GRID2: variants seen among roughly 807,000 people sequenced by gnomAD.
GRID2 encodes the protein glutamate ionotropic receptor delta type subunit 2, also known as glutamate receptor ionotropic, delta-2.
GRID2 carries 33 observed loss-of-function variants against 114.8 expected under a neutral mutation model. The observed-to-expected ratio is 0.29, with a 90% confidence interval of 0.22 to 0.38. The LOEUF is 0.38. Among genes scored for constraint, GRID2 ranks in the 10% least tolerant of loss-of-function variants. GRID2 has a pLI of 1.00. For synonymous variants in GRID2, 505 were observed against 449.9 expected (o/e 1.12, Z -1.55); for missense variants, 1,184 against 1,257.7 (o/e 0.94, Z 0.89).
chr4:92,913,546 A>G (rs1057320867), intron 2 of GRID2, among the ~76,000 whole-genome samples: 2 of 151,862 alleles, frequency 1.3e-5, no homozygotes, highest in Admixed American at 1.3e-4. Flanking sequence ...TCCTGCATGA[A>G]CTTGTCCTAG....
At chr4:92,970,388 T>C (rs551995693) in intron 2 of GRID2, among the ~76,000 whole-genome samples, 3 of 152,104 alleles carry the variant, frequency 2.0e-5, no homozygotes, top group African/African-American at 7.2e-5. Context: ...ATCTGTTAAT[T>C]TATATAGAAT....
rs562339847 is a variant in GRID2, at chr4:93,481,279, G to T, written c.1859-9360G>T. ...CAGAAGAAGGCTGATTCCCTCAGAA[G>T]TGGTGAGAGGTTGCTTCCAATAACA... On this transcript the variant is annotated intron_variant, in intron 11 of 15. Coordinates refer to ENST00000282020, the MANE Select transcript of GRID2 (RefSeq NM_001510.4). Among the ~76,000 whole-genome samples, 26 of 152,174 alleles carry T rather than the reference G, an allele frequency of 1.7e-4. 1 individual carries two copies. The South Asian group carries it at 1.9e-3, about 11-fold the overall frequency.
At chr4:93,392,431 A>G (rs572824321) in intron 8 of GRID2, among the ~76,000 whole-genome samples, 1 of 152,294 alleles carries the variant, frequency 6.6e-6, no homozygotes, top group South Asian at 2.1e-4. Flanking sequence ...CTATGCAATA[A>G]GAAACATTAC....
At chr4:92,560,624 G>A (rs554926677) in intron 1 of GRID2, among the ~76,000 whole-genome samples, 2 of 143,136 alleles carry the variant, frequency 1.4e-5, no homozygotes, top group South Asian at 4.3e-4. Flanking sequence ...TATCTGCCTG[G>A]AACATCCTCT....
At chr4:93,696,864 T>A (rs1305115599) in intron 14 of GRID2, among the ~76,000 whole-genome samples, 2 of 152,150 alleles carry the variant, frequency 1.3e-5, no homozygotes, top group African/African-American at 4.8e-5. Context: ...AATTGTAGTA[T>A]TTTACGCGTA....
At chr4:93,233,261 A>G (rs540691960) in intron 7 of GRID2, among the ~76,000 whole-genome samples, 1 of 152,266 alleles carries the variant, frequency 6.6e-6, no homozygotes, top group South Asian at 2.1e-4. Flanking sequence ...AGGGTTTGAT[A>G]AACGATGTTG....
chr4:92,561,132 A>G (rs746103953), intron 1 of GRID2, among the ~76,000 whole-genome samples: 1 of 152,216 alleles, frequency 6.6e-6, no homozygotes, highest in African/African-American at 2.4e-5. Flanking sequence ...ATATCTTTCT[A>G]ATATCCTTAT....
chr4:92,938,589 G>A (rs1750844921), intron 2 of GRID2, among the ~76,000 whole-genome samples: 1 of 146,116 alleles, frequency 6.8e-6, no homozygotes, highest in South Asian at 2.3e-4. Context: ...TATACTTTAA[G>A]TTTTAGGGTA....
At chr4:93,524,821 ATG>A (rs1250858919) in intron 13 of GRID2, among the ~76,000 whole-genome samples, 748 of 45,916 alleles carry the variant, frequency 0.016, 11 homozygotes, top group African/African-American at 0.075. Flanking sequence ...ATATGTATGT[ATG>A]TATATATATA....
At chr4:93,045,122 T>C (rs1726004945) in intron 2 of GRID2, among the ~76,000 whole-genome samples, 1 of 152,144 alleles carries the variant, frequency 6.6e-6, no homozygotes, top group Admixed American at 6.6e-5. Flanking sequence ...ATACGCAAGC[T>C]GGAGAAAATC....
chr4:93,560,930 ATAAATATTTATATTTAATATTTATTT>A (rs2149562960), intron 13 of GRID2, among the ~76,000 whole-genome samples: 1 of 9,396 alleles, frequency 1.1e-4, no homozygotes, highest in Non-Finnish European at 2.0e-4. Context: ...TATTTATTTG[ATAAATATTTATATTTAATATTTATTT>A]GATAAATATT....
intron 13 of GRID2, among the ~76,000 whole-genome samples, chr4:93,542,635 G>A (rs531562820): frequency 3.3e-5 from 5 of 152,082 alleles, no homozygotes; most frequent in Non-Finnish European, 5.9e-5. Flanking sequence ...TTCCCCCAAG[G>A]AAGATGCTGA....
At chr4:93,329,201 A>G (rs1480520348) in intron 8 of GRID2, among the ~76,000 whole-genome samples, 1 of 152,166 alleles carries the variant, frequency 6.6e-6, no homozygotes, top group Non-Finnish European at 1.5e-5. Flanking sequence ...ACTACAGAAG[A>G]GTCAAATAAG....
At chr4:92,651,551 T>C (rs187462763) in intron 2 of GRID2, among the ~76,000 whole-genome samples, 235 of 152,172 alleles carry the variant, frequency 1.5e-3, no homozygotes, top group African/African-American at 5.5e-3. Context: ...CTTTGATAAG[T>C]ATTCACATGG....
intron 8 of GRID2, among the ~76,000 whole-genome samples, chr4:93,270,229 C>T (rs866842324): frequency 4.0e-5 from 6 of 150,160 alleles, no homozygotes; most frequent in African/African-American, 1.2e-4. Flanking sequence ...CACACACACA[C>T]ACACACACAC....
intron 8 of GRID2, among the ~76,000 whole-genome samples, chr4:93,249,450 T>C (rs1363356377): frequency 6.6e-6 from 1 of 152,144 alleles, no homozygotes; most frequent in Admixed American, 6.6e-5. Context: ...AATGAATCTA[T>C]AAATTATTTT....
chr4:92,754,282 G>A (rs1479009395), intron 2 of GRID2, among the ~76,000 whole-genome samples: 1 of 152,168 alleles, frequency 6.6e-6, no homozygotes, highest in African/African-American at 2.4e-5. Context: ...GTATGCTTAT[G>A]AGTTGGGGAA....
intron 14 of GRID2, among the ~76,000 whole-genome samples, chr4:93,750,917 A>G (rs1034686530): frequency 4.6e-5 from 7 of 152,242 alleles, no homozygotes; most frequent in African/African-American, 1.2e-4. Flanking sequence ...AGAATCAAAC[A>G]GGTGAAAATA....
rs189502885 is a variant in GRID2 at position 92,422,609 on chromosome 4, G to C, written c.88+117865G>C. ...TCTTGTGTTGAGTCTGTTCCTGGGT[G>C]GGGGCCACAAGATCAGAGGAGCCAG... On this transcript the variant is annotated intron_variant, in intron 1 of 15. Coordinates refer to ENST00000282020, the MANE Select transcript of GRID2 (RefSeq NM_001510.4). 2.7e-3 allele frequency among the ~76,000 whole-genome samples: 405 copies of C among 152,086 alleles called. 2 individuals are homozygous for C. The highest frequency in any genetic ancestry group is 9.4e-3 in the African/African-American group (391 of 41,504).
Sources: gnomAD v4.1 joint callset for allele counts (sites outside exome capture counted in the v4.1 genomes callset) on GRCh38, gnomAD v4.1.1 for gene constraint, MANE v1.5 for transcripts, NCBI Gene and HGNC (gene_info 2026-07-23, HGNC 2026-07-21) for gene names.